Variants in CCDC85A observed in about 807,000 individuals in gnomAD.
CCDC85A encodes coiled-coil domain containing 85A, also known as coiled-coil domain-containing protein 85A.
A neutral mutation model predicts 50.2 loss-of-function variants in CCDC85A; 38 were observed. The observed-to-expected ratio is 0.76, with a 90% confidence interval of 0.58 to 0.99. CCDC85A has a LOEUF of 0.99. Among genes scored for constraint, CCDC85A ranks in the 50% least tolerant of loss-of-function variants. CCDC85A has a pLI of 0.00. For synonymous variants in CCDC85A, 366 were observed against 301.4 expected, an observed-to-expected ratio of 1.21 and a Z score of -2.22; for missense variants, 820 against 742.0, an observed-to-expected ratio of 1.11 and a Z score of -1.22.
chr2:56,368,234 A>C (rs1391799108), intron 3 of CCDC85A, among the ~76,000 whole-genome samples: 1 of 152,212 alleles, frequency 6.6e-6, no homozygotes, highest in Non-Finnish European at 1.5e-5. Context: ...TAAATGAAAA[A>C]TGCACTTTTC....
At chr2:56,381,526 G>A (rs1399981952) in intron 5 of CCDC85A, among the ~76,000 whole-genome samples, 8 of 151,968 alleles carry the variant, frequency 5.3e-5, no homozygotes, top group Non-Finnish European at 7.4e-5. Context: ...GTAAGAACCC[G>A]AACACTCTAA....
intron 2 of CCDC85A, among the ~76,000 whole-genome samples, chr2:56,239,522 G>T (rs1669164683): frequency 6.6e-6 from 1 of 151,918 alleles, no homozygotes; most frequent in East Asian, 1.9e-4. Flanking sequence ...GTTAAGATCT[G>T]GAGCCTTGTA....
At chr2:56,364,849 CT>C (rs112872764) in intron 3 of CCDC85A, among the ~76,000 whole-genome samples, 13,553 of 152,192 alleles carry the variant, frequency 0.089, 734 homozygotes, top group Middle Eastern at 0.12. Context: ...ATAAGTAATA[CT>C]TTTTTTCCCT....
rs150993634 is a variant in CCDC85A at position 56,343,044 on chromosome 2, C to T, written c.1317+89C>T. ...ATTTAAAAGCTCAATGACGTTTTGT[C>T]TTTTAAATGATAGAAATCATTTTGT... On this transcript the variant is annotated intron_variant, in intron 3 of 5. Transcript: ENST00000407595. The T allele has an allele frequency of 3.9e-5, 35 of 887,450 alleles. No homozygotes were observed. The Middle Eastern group carries it at 6.7e-4, about 17-fold the overall frequency. 55.0% of individuals were successfully genotyped at this position (887,450 alleles called of 1,614,324 possible).
intron 2 of CCDC85A, among the ~76,000 whole-genome samples, chr2:56,328,759 G>T (rs796614475): frequency 6.6e-6 from 1 of 151,642 alleles, no homozygotes; most frequent in Non-Finnish European, 1.5e-5. Context: ...TGTATGTTTT[G>T]TTGGCTGTAC....
At chr2:56,336,055 G>C (rs543672349) in intron 2 of CCDC85A, among the ~76,000 whole-genome samples, 1 of 152,258 alleles carries the variant, frequency 6.6e-6, no homozygotes, top group East Asian at 1.9e-4. Context: ...AGCCAACACA[G>C]AGACTAATTC....
intron 3 of CCDC85A, among the ~76,000 whole-genome samples, chr2:56,358,747 C>A (rs1454362018): frequency 6.6e-6 from 1 of 151,984 alleles, no homozygotes; most frequent in African/African-American, 2.4e-5. Context: ...ATTTATTCAT[C>A]CATGACTCTG....
intron 2 of CCDC85A, among the ~76,000 whole-genome samples, chr2:56,337,885 A>G (rs996344439): frequency 6.6e-6 from 1 of 151,836 alleles, no homozygotes; most frequent in African/African-American, 2.4e-5. Flanking sequence ...CCCGGGTTCA[A>G]GCGATTCTCC....
chr2:56,239,198 C>T (rs1488110515), intron 2 of CCDC85A, among the ~76,000 whole-genome samples: 3 of 152,006 alleles, frequency 2.0e-5, no homozygotes, highest in South Asian at 4.1e-4. Flanking sequence ...TATATGACTG[C>T]AGAGTTTGCA....
intron 3 of CCDC85A, among the ~76,000 whole-genome samples, chr2:56,345,062 A>G (rs1486171032): frequency 6.6e-6 from 1 of 152,208 alleles, no homozygotes; most frequent in Non-Finnish European, 1.5e-5. Flanking sequence ...GTCTATGTGT[A>G]TTGGAATACA....
At chr2:56,212,322 A>G (rs1677211542) in intron 2 of CCDC85A, among the ~76,000 whole-genome samples, 1 of 152,056 alleles carries the variant, frequency 6.6e-6, no homozygotes, top group African/African-American at 2.4e-5. Context: ...TCTTTTGTCT[A>G]CATATCCCAA....
chr2:56,192,917 G>GCC lies in CCDC85A; in HGVS notation c.720_721dup (p.Arg241ProfsTer71). The GCC allele has an allele frequency of 6.2e-7, 1 of 1,610,186 alleles. No homozygotes were observed. The highest frequency in any genetic ancestry group is 8.5e-7 in the Non-Finnish European group (1 of 1,178,716). ...GTGGCAGCCCGGAGCACCTGCAGAA[G>GCC]CCCCGGAGCGAGGGCAGCCCGGAGC... On this transcript the variant is annotated frameshift_variant, in exon 2 of 6. Transcript: ENST00000407595. LOFTEE classifies it high-confidence loss of function. The surrounding 1 kb of genome is among the most constrained non-coding windows in gnomAD (Gnocchi z 4.7).
intron 2 of CCDC85A, among the ~76,000 whole-genome samples, chr2:56,329,965 T>G (rs1167542704): frequency 7.3e-6 from 1 of 136,100 alleles, no homozygotes; most frequent in African/African-American, 2.9e-5. Context: ...TTTTTTTTTT[T>G]TTTTTTTTTT....
chr2:56,254,831 AGGAT>A lies in CCDC85A; in HGVS notation c.1240+61395_1240+61398del, dbSNP rs529622050. ...AAGAATAGTATCACTTGGGCAAGAG[AGGAT>A]GGAGAGAAGAGCATTTTGTCTGATG... On this transcript the variant is annotated intron_variant, in intron 2 of 5. Transcript: ENST00000407595. 1.2e-4 allele frequency among the ~76,000 whole-genome samples: 19 copies of A among 152,322 alleles called. No individual in the cohort carries two copies. The South Asian group carries it at 3.9e-3, about 32-fold the overall frequency.
chr2:56,336,560 T>C (rs558952435), intron 2 of CCDC85A, among the ~76,000 whole-genome samples: 3 of 152,320 alleles, frequency 2.0e-5, no homozygotes, highest in African/African-American at 7.2e-5. Context: ...CTTCATCTAA[T>C]CAAAACCACT....
At chr2:56,232,083 G>T (rs1668798060) in intron 2 of CCDC85A, among the ~76,000 whole-genome samples, 1 of 151,948 alleles carries the variant, frequency 6.6e-6, no homozygotes, top group Non-Finnish European at 1.5e-5. Flanking sequence ...TTTTCTTCCT[G>T]CATTTTACAT....
intron 2 of CCDC85A, among the ~76,000 whole-genome samples, chr2:56,244,358 G>GGCCCA (rs558377930): frequency 8.7e-4 from 132 of 152,008 alleles, no homozygotes; most frequent in African/African-American, 3.0e-3. Flanking sequence ...CTGCAGGCCC[G>GGCCCA]TGGGAAGTAC....
intron 2 of CCDC85A, among the ~76,000 whole-genome samples, chr2:56,282,415 A>G (rs1040795810): frequency 6.6e-6 from 1 of 152,210 alleles, no homozygotes; most frequent in African/African-American, 2.4e-5. Flanking sequence ...AAGTAATTGT[A>G]TCAATTTCTA....
At chr2:56,302,657 A>G (rs1672262277) in intron 2 of CCDC85A, among the ~76,000 whole-genome samples, 2 of 152,248 alleles carry the variant, frequency 1.3e-5, no homozygotes, top group Non-Finnish European at 2.9e-5. Context: ...CATCTTTACA[A>G]TACAAAGTCA....
Sources: allele counts gnomAD v4.1 joint callset (sites outside exome capture counted in the v4.1 genomes callset), GRCh38; gene constraint gnomAD v4.1.1; non-coding constraint Gnocchi (gnomAD v3.1); transcripts MANE v1.5; gene names NCBI Gene and HGNC (gene_info 2026-07-23, HGNC 2026-07-21).